QTGAL: variants seen among roughly 807,000 people sequenced by gnomAD.
The protein encoded by QTGAL is queuosine-tRNA galactosyltransferase.
chr17:82,957,375 G>A, the QTGAL span: 2 of 1,613,230 alleles, frequency 1.2e-6, no homozygotes, highest in South Asian at 1.1e-5. Flanking sequence ...CTGGCTGCCG[G>A]CAGTCAAGCT....
chr17:82,979,368 G>A, the QTGAL span: 3 of 152,192 alleles, frequency 2.0e-5, no homozygotes, highest in African/African-American at 7.2e-5. Flanking sequence ...AGAGCAAGTG[G>A]ATCAATTCCT....
chr17:82,958,294 T>C, the QTGAL span, among the ~76,000 whole-genome samples: 1 of 152,190 alleles, frequency 6.6e-6, no homozygotes, highest in South Asian at 2.1e-4. Flanking sequence ...ATGGCCGCGA[T>C]GTAGCCACGC....
the QTGAL span, chr17:83,048,705 AC>A: frequency 1.9e-6 from 3 of 1,614,124 alleles, no homozygotes; most frequent in Non-Finnish European, 2.5e-6. Flanking sequence ...GCTCCATGGT[AC>A]CTTCAAAGTC....
the QTGAL span, among the ~76,000 whole-genome samples, chr17:82,997,760 A>G: frequency 2.6e-5 from 4 of 152,150 alleles, no homozygotes; most frequent in Non-Finnish European, 4.4e-5. Flanking sequence ...TAAGTGAAAT[A>G]AGCCAGACAC....
the QTGAL span, among the ~76,000 whole-genome samples, chr17:82,965,164 G>T: frequency 2.4e-5 from 3 of 125,714 alleles, no homozygotes; most frequent in African/African-American, 1.1e-4. Flanking sequence ...TCCCACGGGG[G>T]GGATGGGGAC....
the QTGAL span, among the ~76,000 whole-genome samples, chr17:83,034,868 A>C: frequency 1.8e-4 from 28 of 152,328 alleles, no homozygotes; most frequent in African/African-American, 6.5e-4. Context: ...TAAATTACCC[A>C]GTCTCGGCTA....
chr17:83,002,464 G>T, the QTGAL span, among the ~76,000 whole-genome samples: 4 of 152,320 alleles, frequency 2.6e-5, no homozygotes, highest in South Asian at 8.3e-4. Context: ...TCACTGAAAA[G>T]CACAGCAACT....
the QTGAL span, among the ~76,000 whole-genome samples, chr17:82,964,234 G>A: frequency 1.9e-5 from 2 of 106,430 alleles, no homozygotes; most frequent in Admixed American, 1.5e-4. Context: ...CCAGCCTCAG[G>A]AACAGAGTGA....
the QTGAL span, among the ~76,000 whole-genome samples, chr17:83,034,131 G>A: frequency 1.6e-3 from 251 of 152,154 alleles, no homozygotes; most frequent in Admixed American, 4.5e-3. Context: ...GTAGAGACAG[G>A]GTTTTGCCAT....
chr17:83,006,692 C>G, the QTGAL span: 1 of 985,382 alleles, frequency 1.0e-6, no homozygotes, highest in Non-Finnish European at 1.2e-6. The surrounding 1 kb of genome is among the most constrained non-coding windows in gnomAD (Gnocchi z 5.8). Context: ...GTGCAGGAGG[C>G]GGCCTTCTGT....
the QTGAL span, among the ~76,000 whole-genome samples, chr17:82,953,244 G>T: frequency 1.3e-5 from 2 of 151,972 alleles, no homozygotes; most frequent in Non-Finnish European, 1.5e-5. Context: ...TCAATGACTG[G>T]TTTTTTGAAA....
At chr17:82,966,738 C>T in the QTGAL span, among the ~76,000 whole-genome samples, 1 of 152,128 alleles carries the variant, frequency 6.6e-6, no homozygotes, top group African/African-American at 2.4e-5. Context: ...ACGAGCTCAT[C>T]CAGGGAGAAC....
At chr17:82,952,741 A>C in the QTGAL span, among the ~76,000 whole-genome samples, 6 of 152,336 alleles carry the variant, frequency 3.9e-5, no homozygotes, top group East Asian at 9.6e-4. Flanking sequence ...AAATCAACAG[A>C]ATATACATTC....
chr17:82,991,679 C>T, the QTGAL span, among the ~76,000 whole-genome samples: 2 of 152,144 alleles, frequency 1.3e-5, no homozygotes, highest in Admixed American at 1.3e-4. Context: ...AGCATCAAGA[C>T]CATCCTGGAA....
At chr17:82,988,200 G>A in the QTGAL span, among the ~76,000 whole-genome samples, 129 of 152,164 alleles carry the variant, frequency 8.5e-4, no homozygotes, top group African/African-American at 2.9e-3. Context: ...CTAAATATAG[G>A]ATCATGTTGT....
At chr17:83,011,478 T>C in the QTGAL span, 1 of 152,378 alleles carries the variant, frequency 6.6e-6, no homozygotes, top group Admixed American at 6.5e-5. Context: ...CTACACAATG[T>C]AATTCACGTA....
the QTGAL span, among the ~76,000 whole-genome samples, chr17:82,960,137 GC>G: frequency 6.6e-6 from 1 of 152,156 alleles, no homozygotes; most frequent in African/African-American, 2.4e-5. Context: ...GACGCGGGAG[GC>G]CCCAGCATGC....
the QTGAL span, chr17:83,005,610 C>T: frequency 3.4e-4 from 236 of 702,646 alleles, 3 homozygotes; most frequent in South Asian, 1.4e-3. The surrounding 1 kb of genome is among the most constrained non-coding windows in gnomAD (Gnocchi z 5.6). Context: ...GTGAGGAAAC[C>T]GCTGCCTGTC....
At chr17:82,991,723 C>G in the QTGAL span, among the ~76,000 whole-genome samples, 5 of 152,000 alleles carry the variant, frequency 3.3e-5, no homozygotes, top group African/African-American at 1.2e-4. Flanking sequence ...AAATGAGGCA[C>G]CAGGGACCAA....
Sources: allele counts gnomAD v4.1 joint callset (sites outside exome capture counted in the v4.1 genomes callset), GRCh38; gene constraint gnomAD v4.1.1; non-coding constraint Gnocchi (gnomAD v3.1); transcripts MANE v1.5; gene names NCBI Gene and HGNC (gene_info 2026-07-23, HGNC 2026-07-21).